Variants in PCDHGA8 observed in about 807,000 individuals in gnomAD.
PCDHGA8 encodes protocadherin gamma subfamily A, 8, also known as protocadherin gamma-A8.
Under a neutral mutation model 59.2 loss-of-function variants are expected in PCDHGA8, and 45 were observed. The ratio of observed to expected loss-of-function variants is 0.76; its 90% CI spans 0.60 to 0.98. PCDHGA8 has a LOEUF of 0.98. PCDHGA8 is among the 50% of genes least tolerant of loss of function. PCDHGA8 has a pLI of 0.00. For missense variants in PCDHGA8, 1,257 were observed against 1,196.2 expected (o/e 1.05, Z -0.75); for synonymous variants, 531 against 519.0 (o/e 1.02, Z -0.32).
At chr5:141,410,132 G>T (rs1278988827) in intron 1 of PCDHGA8, 1 of 1,612,754 alleles carries the variant, frequency 6.2e-7, no homozygotes, top group Non-Finnish European at 8.5e-7. Flanking sequence ...GCGCCTGCTG[G>T]TCGCTGTGCG....
chr5:141,482,383 G>A (rs1594230401), intron 1 of PCDHGA8, among the ~76,000 whole-genome samples: 2 of 152,240 alleles, frequency 1.3e-5, no homozygotes, highest in East Asian at 3.9e-4. Context: ...TAAAGTCCCT[G>A]TATGGAGCAA....
At position 141,400,246 on chromosome 5, in the gene PCDHGA8, G is replaced by T. The variant is rs373890751; in HGVS notation, c.2424+5009G>T. 4 of 1,613,986 alleles carry T rather than the reference G, an allele frequency of 2.5e-6. No individual in the cohort carries two copies. In the East Asian group the frequency reaches 6.7e-5, roughly 27 times the overall value. Reference sequence around the variant, plus strand: ...CTTCCTCCTGGCCGTGATTCTGGCCGTTGCCTTGCGCCTGCGACGCTCCTC... The same window carrying T: ...CTTCCTCCTGGCCGTGATTCTGGCCTTTGCCTTGCGCCTGCGACGCTCCTC... On this transcript the variant is annotated intron_variant, in intron 1 of 3. Transcript: ENST00000398604.
rs186292704 is a variant in PCDHGA8 at position 141,490,783 on chromosome 5, C to T, written c.2425-4024C>T. ...TGTGTATGTCAACCCAGAGGATGGA[C>T]GGATCTTTGCCCAGCGTACCTTTGA... On this transcript the variant is annotated intron_variant, in intron 1 of 3. Transcript: ENST00000398604. The surrounding 1 kb of genome is among the most constrained non-coding windows in gnomAD (Gnocchi z 5.4). The T allele has an allele frequency of 8.1e-6, 13 of 1,614,024 alleles. 1 individual carries two copies. Among genetic ancestry groups the T allele is most frequent in the Middle Eastern group, 3.3e-4 (2 of 6,062 alleles).
At chr5:141,415,479 A>G (rs750765604) in intron 1 of PCDHGA8, 19 of 1,613,988 alleles carry the variant, frequency 1.2e-5, no homozygotes, top group South Asian at 2.2e-5. Flanking sequence ...CGGACTCGCG[A>G]AAGAGTCACC....
intron 1 of PCDHGA8, chr5:141,398,054 A>C: frequency 1.3e-6 from 2 of 1,519,030 alleles, no homozygotes; most frequent in Non-Finnish European, 1.8e-6. Context: ...CGGAGATCCA[A>C]AAATCTACAA....
chr5:141,409,345 A>T lies in PCDHGA8; in HGVS notation c.2424+14108A>T, dbSNP rs1012428329. 4 of 1,613,902 alleles carry T rather than the reference A, an allele frequency of 2.5e-6. No individual in the cohort carries two copies. In the African/African-American group the frequency reaches 5.3e-5, roughly 22 times the overall value. ...ATCTGGATTTCGGAGGAAATGGAGAAGTCAGGTGTAATATAGAAACAGACA... is the reference window on the plus strand; with the variant it reads ...ATCTGGATTTCGGAGGAAATGGAGATGTCAGGTGTAATATAGAAACAGACA... On this transcript the variant is annotated intron_variant, in intron 1 of 3. Transcript: ENST00000398604.
rs1298448753 is a variant in PCDHGA8 at position 141,486,417 on chromosome 5, G to A, written c.2425-8390G>A. 1 of 1,614,132 alleles carries A rather than the reference G, an allele frequency of 6.2e-7. No individual in the cohort carries two copies. Among genetic ancestry groups the A allele is most frequent in the Non-Finnish European group, 8.5e-7 (1 of 1,179,998 alleles). ...CTGGTGACTGCTGGACCCTTGGATC[G>A]AGAGGCCAAATCTAGCTATGACATC... On this transcript the variant is annotated intron_variant, in intron 1 of 3. Transcript: ENST00000398604. The surrounding 1 kb of genome is among the most constrained non-coding windows in gnomAD (Gnocchi z 5.0).
intron 1 of PCDHGA8, among the ~76,000 whole-genome samples, chr5:141,438,370 A>G (rs2097956460): frequency 1.3e-5 from 2 of 152,004 alleles, no homozygotes; most frequent in South Asian, 4.2e-4. Context: ...CATTGAGGGC[A>G]GATATAATTT....
At chr5:141,410,038 T>C (rs1364065272) in intron 1 of PCDHGA8, 2 of 1,613,086 alleles carry the variant, frequency 1.2e-6, no homozygotes, top group African/African-American at 1.3e-5. Flanking sequence ...TGCAGGCCAG[T>C]GAGCCCGGAC....
At position 141,493,223 on chromosome 5, in the gene PCDHGA8, A is replaced by G. The variant is rs2099747083; in HGVS notation, c.2425-1584A>G. Among the ~76,000 whole-genome samples, 1 of 152,142 alleles carries G rather than the reference A, an allele frequency of 6.6e-6. No homozygotes were observed. The highest frequency in any genetic ancestry group is 6.6e-5 in the Admixed American group (1 of 15,262). On this transcript the variant is annotated intron_variant, in intron 1 of 3. Transcript: ENST00000398604. The surrounding 1 kb of genome is among the most constrained non-coding windows in gnomAD (Gnocchi z 4.3). ...CCTCATCTCATTTGCTCTTCCCACC[A>G]TTGCTGTTGGCTAGGTACTAACATG...
At chr5:141,397,920 T>C (rs2093586320) in intron 1 of PCDHGA8, 1 of 726,984 alleles carries the variant, frequency 1.4e-6, no homozygotes, top group Non-Finnish European at 2.2e-6. Context: ...CCAGATCTCC[T>C]CGCGCAGCCG....
At chr5:141,402,827 G>C in intron 1 of PCDHGA8, 10 of 1,330,136 alleles carry the variant, frequency 7.5e-6, no homozygotes, top group Non-Finnish European at 9.9e-6. Context: ...CTGCTCCCAG[G>C]CTGCAGCAAA....
chr5:141,431,607 A>G lies in PCDHGA8; in HGVS notation c.2424+36370A>G. ...GCGGAAGTGAGGTATTCCTTCCGGT[A>G]TGTGGACGACAAGGCGGCCCAAGTT... is the stretch of plus-strand genomic sequence containing the variant. On this transcript the variant is annotated intron_variant, in intron 1 of 3. Transcript: ENST00000398604. The surrounding 1 kb of genome is among the most constrained non-coding windows in gnomAD (Gnocchi z 4.8). 6.2e-7 allele frequency: 1 copy of G among 1,614,230 alleles called. No individual in the cohort carries two copies. Among genetic ancestry groups the G allele is most frequent in the Non-Finnish European group, 8.5e-7 (1 of 1,180,040 alleles).
intron 1 of PCDHGA8, chr5:141,492,036 T>A: frequency 1.9e-6 from 1 of 536,866 alleles, no homozygotes; most frequent in Non-Finnish European, 3.2e-6. Flanking sequence ...GAGGAGGCAG[T>A]CACAGATCCA....
rs770930842 is a variant in PCDHGA8 at position 141,432,673 on chromosome 5, C to G, written c.2424+37436C>G. 10 of 1,613,804 alleles carry G rather than the reference C, an allele frequency of 6.2e-6. No homozygotes were observed. The East Asian group carries it at 1.3e-4, about 22-fold the overall frequency. ...GAGCCCTGCTGGACAGAGACGCGCT[C>G]AAGCAGAGCCTCGTAGTGGCCGTCC... is the stretch of plus-strand genomic sequence containing the variant. On this transcript the variant is annotated intron_variant, in intron 1 of 3. Transcript: ENST00000398604. The surrounding 1 kb of genome is among the most constrained non-coding windows in gnomAD (Gnocchi z 6.0).
intron 2 of PCDHGA8, among the ~76,000 whole-genome samples, chr5:141,502,478 A>G (rs2099814452): frequency 6.6e-6 from 1 of 150,896 alleles, no homozygotes; most frequent in Non-Finnish European, 1.5e-5. Flanking sequence ...CCGCAGCATC[A>G]CACTGGGACT....
chr5:141,404,551 G>C (rs764332245), intron 1 of PCDHGA8: 1 of 1,613,866 alleles, frequency 6.2e-7, no homozygotes, highest in Non-Finnish European at 8.5e-7. Flanking sequence ...TGCAGGTGAC[G>C]GCAAGTGACA....
intron 1 of PCDHGA8, among the ~76,000 whole-genome samples, chr5:141,444,372 T>C (rs967151811): frequency 6.6e-6 from 1 of 151,998 alleles, no homozygotes. Context: ...GGTTTCTCCA[T>C]GTTGGTCAGG....
chr5:141,487,040 C>T lies in PCDHGA8; in HGVS notation c.2425-7767C>T, dbSNP rs374574042. The T allele has an allele frequency of 3.7e-6, 6 of 1,614,136 alleles. No homozygotes were observed. Among genetic ancestry groups the T allele is most frequent in the South Asian group, 1.1e-5 (1 of 91,082 alleles). On this transcript the variant is annotated intron_variant, in intron 1 of 3. Transcript: ENST00000398604. This position sits in a 1 kb window ranked among gnomAD's most constrained non-coding sequence, Gnocchi z 5.0. Reference sequence around the variant, plus strand: ...AGATCCCAGCCTGTTTGCAGTCTCTCGATATGCTGGGGAGGTGCGGACGGC... The same window carrying T: ...AGATCCCAGCCTGTTTGCAGTCTCTTGATATGCTGGGGAGGTGCGGACGGC...
Sources: allele counts gnomAD v4.1 joint callset (sites outside exome capture counted in the v4.1 genomes callset), GRCh38; gene constraint gnomAD v4.1.1; non-coding constraint Gnocchi (gnomAD v3.1); transcripts MANE v1.5; gene names NCBI Gene and HGNC (gene_info 2026-07-23, HGNC 2026-07-21).